The following GAA variants were observed in gnomAD, a reference collection of about 807,000 sequenced individuals.
GAA encodes alpha glucosidase, also known as lysosomal alpha-glucosidase.
In GAA, 88 loss-of-function variants were observed where a neutral mutation model predicts 103.9. The ratio of observed to expected loss-of-function variants is 0.85; its 90% CI spans 0.71 to 1.01. The LOEUF (loss-of-function observed/expected upper bound fraction) is 1.01. Ranked by LOEUF, GAA falls within the 50% of genes least tolerant of loss-of-function variation. The probability of loss-of-function intolerance (pLI) is 0.00; values close to 1 mark genes in which losing one functional copy is unlikely to be tolerated. For synonymous variants in GAA, 572 were observed against 563.1 expected (o/e 1.02, Z -0.22); for missense variants, 1,350 against 1,305.3 (o/e 1.03, Z -0.53).
chr17:80,117,522 G>C, intron 16 of GAA, 78 bp from the exon 17 acceptor site: 1 of 1,542,506 alleles, frequency 6.5e-7, no homozygotes, highest in Non-Finnish European at 9.0e-7. Flanking sequence ...AGCCCCGGGA[G>C]ATGGAGAGCG....
chr17:80,110,337 C>T (rs1005251422), intron 9 of GAA, among the ~76,000 whole-genome samples: 5 of 152,218 alleles, frequency 3.3e-5, no homozygotes, highest in African/African-American at 1.2e-4. Flanking sequence ...CTTGTCCTCC[C>T]AGCCCCCCAG....
In GAA at chr17:80,105,771, G is replaced by T. The variant is rs528367092; in HGVS notation, c.569G>T (p.Arg190Leu). ...TAGATCAAAGATCCAGCTAACAGGC[G>T]CTACGAGGTGCCCTTGGAGACCCCG... ...HFTIKDPANR[R>L]YEVPLETPHV... Residue 190 changes from arginine to leucine, a missense_variant, in exon 3 of 20, where the codon CGC becomes CTC. Coordinates refer to ENST00000302262, the MANE Select transcript of GAA (RefSeq NM_000152.5). 5 of 1,612,164 alleles carry T rather than the reference G, an allele frequency of 3.1e-6. No homozygotes were observed. The African/African-American group carries it at 4.0e-5, about 13-fold the overall frequency.
chr17:80,103,435 C>T (rs1236250909), intron 1 of GAA, among the ~76,000 whole-genome samples: 6 of 152,188 alleles, frequency 3.9e-5, no homozygotes, highest in East Asian at 1.9e-4. Flanking sequence ...TCCCCACGCC[C>T]TCCCCATGGT....
At chr17:80,119,222 C>A in intron 19 of GAA, 50 bp from the exon 20 acceptor site, 1 of 1,573,066 alleles carries the variant, frequency 6.4e-7, no homozygotes, top group Non-Finnish European at 8.7e-7. Context: ...GCTGGGGTCT[C>A]ACTGCTGCTG....
intron 1 of GAA, among the ~76,000 whole-genome samples, chr17:80,103,857 G>A (rs569521717): frequency 2.0e-5 from 3 of 152,282 alleles, no homozygotes; most frequent in South Asian, 2.1e-4. Flanking sequence ...TGGTATGTCC[G>A]TGCACCAGTC....
chr17:80,107,860 G>T lies in GAA; in HGVS notation c.919G>T (p.Ala307Ser). ...CCTGGCGCTGGAGGACGGCGGGTCG[G>T]CACACGGGGTGTTCCTGCTAAACAG... ...FYLALEDGGS[A>S]HGVFLLNSNA... The change falls in exon 5 of 20, where the codon GCA becomes TCA. Residue 307 changes from alanine to serine, a missense_variant. By Grantham distance (99) the Ala-to-Ser change is moderately conservative. Coordinates refer to ENST00000302262, the MANE Select transcript of GAA (RefSeq NM_000152.5). The T allele has an allele frequency of 6.2e-7, 1 of 1,611,658 alleles. No homozygotes were observed. Among genetic ancestry groups the T allele is most frequent in the Non-Finnish European group, 8.5e-7 (1 of 1,179,698 alleles).
At chr17:80,113,082 C>T (rs372792113) in intron 14 of GAA, 55 bp downstream of exon 14, 44 of 1,554,508 alleles carry the variant, frequency 2.8e-5, no homozygotes, top group Admixed American at 3.7e-5. Context: ...CCAAGACTCT[C>T]CCCTGGGAAT....
chr17:80,115,539 G>A (rs937400875), intron 15 of GAA, among the ~76,000 whole-genome samples: 3 of 152,162 alleles, frequency 2.0e-5, no homozygotes, highest in East Asian at 3.8e-4. Flanking sequence ...AGTAGCTGAC[G>A]TAAACTCTTT....
rs1377317168 is a variant in GAA at position 80,111,139 on chromosome 17, G to A, written c.1636+114G>A. 4.3e-6 allele frequency: 4 copies of A among 939,598 alleles called. No individual in the cohort carries two copies. In the African/African-American group the frequency reaches 7.8e-5, roughly 18 times the overall value. 58.2% of individuals were successfully genotyped at this position (939,598 alleles called of 1,614,324 possible). ...GAAGCAGATGGGCCAGCGGGGAAAGGGGCGGGGGGGGGATCCCCAGGAGAA... is the reference window on the plus strand; with the variant it reads ...GAAGCAGATGGGCCAGCGGGGAAAGAGGCGGGGGGGGGATCCCCAGGAGAA... On this transcript the variant is annotated intron_variant, in intron 11 of 19. Transcript: ENST00000302262.
chr17:80,119,344 T>TGTTA lies in GAA; in HGVS notation c.*16_*19dup. ...CAGCTGGTGTTAGCCGGGCGGAGTG[T>TGTTA]GTTAGTCTCTCCAGAGGGAGGCTGG... On this transcript the variant is annotated 3_prime_UTR_variant, in exon 20 of 20. Coordinates refer to ENST00000302262, the MANE Select transcript of GAA (RefSeq NM_000152.5). 6.2e-7 allele frequency: 1 copy of TGTTA among 1,611,516 alleles called. No individual in the cohort carries two copies. Among genetic ancestry groups the TGTTA allele is most frequent in the Non-Finnish European group, 8.5e-7 (1 of 1,177,792 alleles).
intron 3 of GAA, among the ~76,000 whole-genome samples, chr17:80,106,246 C>T (rs775805459): frequency 7.2e-5 from 11 of 152,210 alleles, no homozygotes; most frequent in African/African-American, 9.7e-5. Flanking sequence ...TCAGTGTCCA[C>T]GCACTGACCC....
At chr17:80,111,350 G>T (rs1225438374) in intron 11 of GAA, among the ~76,000 whole-genome samples, 1 of 152,336 alleles carries the variant, frequency 6.6e-6, no homozygotes, top group Middle Eastern at 3.4e-3. Flanking sequence ...GGAGAGGTCA[G>T]GCCCAACTCG....
In GAA at chr17:80,105,830, A is replaced by G; in HGVS notation, c.628A>G (p.Ser210Gly). Residue 210 changes from serine (S) to glycine (G), a missense_variant, in exon 3 of 20, where the codon AGC becomes GGC. Coordinates refer to ENST00000302262, the MANE Select transcript of GAA (RefSeq NM_000152.5). ...CAGCCGGGCACCGTCCCCACTCTAC[A>G]GCGTGGAGTTCTCCGAGGAGCCCTT... ...VHSRAPSPLYSVEFSEEPFGV... is the reference protein window; with the variant it reads ...VHSRAPSPLYGVEFSEEPFGV... 2 of 1,610,114 alleles carry G rather than the reference A, an allele frequency of 1.2e-6. No individual in the cohort carries two copies. Among genetic ancestry groups the G allele is most frequent in the Non-Finnish European group, 8.5e-7 (1 of 1,179,978 alleles).
chr17:80,116,777 C>A, intron 15 of GAA, 191 bp from the exon 16 acceptor site: 1 of 651,668 alleles, frequency 1.5e-6, no homozygotes, highest in Non-Finnish European at 2.7e-6. Flanking sequence ...GAAGGCTTCT[C>A]CCAGCTCCGG....
In GAA at chr17:80,119,395, G is replaced by A; in HGVS notation, c.*64G>A. On this transcript the variant is annotated 3_prime_UTR_variant, in exon 20 of 20. Coordinates refer to ENST00000302262, the MANE Select transcript of GAA (RefSeq NM_000152.5). ...TTCCCCAGGGAAGCAGAGCCTGTGT[G>A]CGGGCAGCAGCTGTGTGCGGGCCTG... The A allele has an allele frequency of 2.1e-6, 3 of 1,399,242 alleles. No homozygotes were observed. The highest frequency in any genetic ancestry group is 2.3e-5 in the East Asian group (1 of 43,778). 86.7% of individuals were successfully genotyped at this position (1,399,242 alleles called of 1,614,324 possible).
Position 80,115,505 on chromosome 17 carries a change from G to A in GAA, c.2190-1463G>A, listed in dbSNP as rs116416508. ...CCTTTAGTTCTTCAGACACGGTTTC[G>A]CTGAGCTCTTTGAACACATTTAAAG... On this transcript the variant is annotated intron_variant, in intron 15 of 19. Coordinates refer to ENST00000302262, the MANE Select transcript of GAA (RefSeq NM_000152.5). Among the ~76,000 whole-genome samples the A allele has an allele frequency of 9.8e-3, 1,492 of 152,158 alleles. 20 individuals carry two copies. Among genetic ancestry groups the A allele is most frequent in the African/African-American group, 0.034 (1,415 of 41,514 alleles).
chr17:80,109,432 G>T lies in GAA; in HGVS notation c.1327-513G>T, dbSNP rs530184872. ...TGGTCCAGCCCGAGTCTGGTGTCCG[G>T]CACGATGGCCAGAGGAGGAGGTGGG... is the stretch of plus-strand genomic sequence containing the variant. On this transcript the variant is annotated intron_variant, in intron 8 of 19. Transcript: ENST00000302262. Among the ~76,000 whole-genome samples the T allele has an allele frequency of 2.0e-5, 3 of 152,342 alleles. No homozygotes were observed. In the East Asian group the frequency reaches 5.8e-4, roughly 29 times the overall value.
intron 3 of GAA, 39 bp from the exon 4 acceptor site, chr17:80,107,518 C>A: frequency 6.2e-7 from 1 of 1,612,450 alleles, no homozygotes; most frequent in South Asian, 1.1e-5. Flanking sequence ...CGTGTGGCCC[C>A]TTGGGTGTGA....
At position 80,110,746 on chromosome 17, in the gene GAA, C is replaced by T. The variant is rs2039213698; in HGVS notation, c.1457C>T (p.Ala486Val). 1.2e-6 allele frequency: 2 copies of T among 1,614,060 alleles called. No homozygotes were observed. The highest frequency in any genetic ancestry group is 1.7e-6 in the Non-Finnish European group (2 of 1,180,014). The change falls in exon 10 of 20, where the codon GCC becomes GTC. Residue 486 changes from alanine to valine, a missense_variant. Ala to Val is a moderately conservative substitution (Grantham distance 64). Coordinates refer to ENST00000302262, the MANE Select transcript of GAA (RefSeq NM_000152.5). The stretch of plus-strand genomic sequence containing the variant: ...GTCCAGGTATGGCCCGGGTCCACTG[C>T]CTTCCCCGACTTCACCAACCCCACA... Reference protein sequence around the residue: ...LIGKVWPGSTAFPDFTNPTAL... With the variant: ...LIGKVWPGSTVFPDFTNPTAL...
Sources: allele counts gnomAD v4.1 joint callset (sites outside exome capture counted in the v4.1 genomes callset), GRCh38; gene constraint gnomAD v4.1.1; transcripts MANE v1.5; gene names NCBI Gene and HGNC (gene_info 2026-07-23, HGNC 2026-07-21).